RPRD1B: variants seen among roughly 807,000 people sequenced by gnomAD.
The protein encoded by RPRD1B is regulation of nuclear pre-mRNA domain-containing protein 1B.
A neutral mutation model predicts 41.5 loss-of-function variants in RPRD1B; 11 were observed. The ratio of observed to expected loss-of-function variants is 0.27; its 90% CI spans 0.17 to 0.44. RPRD1B has a LOEUF of 0.44. Ranked by LOEUF, RPRD1B falls within the 20% of genes least tolerant of loss-of-function variation. The pLI, the probability that RPRD1B is intolerant of heterozygous loss-of-function variation, is 1.00. For missense variants in RPRD1B, 248 were observed against 389.9 expected (o/e 0.64, Z 3.06); for synonymous variants, 158 against 155.6 (o/e 1.02, Z -0.12).
chr20:38,049,372 T>TC (rs1269808805), intron 3 of RPRD1B, among the ~76,000 whole-genome samples: 11 of 136,490 alleles, frequency 8.1e-5, no homozygotes, highest in East Asian at 2.0e-4. Context: ...TTTTTCTTTT[T>TC]TTTTTTTTTT....
intron 6 of RPRD1B, among the ~76,000 whole-genome samples, chr20:38,085,113 G>C (rs1054956178): frequency 3.3e-5 from 5 of 152,138 alleles, no homozygotes; most frequent in Non-Finnish European, 5.9e-5. Flanking sequence ...CAGACTGCTT[G>C]GGTTTTGCCA....
chr20:38,064,006 C>T (rs749290423), intron 5 of RPRD1B, among the ~76,000 whole-genome samples: 18 of 151,796 alleles, frequency 1.2e-4, no homozygotes, highest in Non-Finnish European at 2.4e-4. Context: ...CATTTTTTGC[C>T]ACAGGCACCT....
intron 1 of RPRD1B, among the ~76,000 whole-genome samples, chr20:38,037,560 G>A (rs1257235490): frequency 6.6e-6 from 1 of 152,238 alleles, no homozygotes. Context: ...GGATTGGGAT[G>A]GAGGGGTGTG....
In RPRD1B at chr20:38,057,591, G is replaced by A; in HGVS notation, c.475G>A (p.Asp159Asn). The change falls in exon 4 of 7, where the codon GAC (aspartate) becomes AAC (asparagine). Residue 159 changes from aspartate to asparagine, a missense_variant. Asp to Asn is a conservative substitution (Grantham distance 23). This residue lies in a region of RPRD1B where 94 missense variants were observed against 82.3 expected (regional missense o/e 1.14). Transcript: ENST00000373433. ...TFQQIQEEED[D>N]DYPGSYSPQD... ...TCAGCAAATTCAGGAGGAGGAGGAT[G>A]ACGACTACCCTGGCAGCTACTCTCC... 1 of 1,614,182 alleles carries A rather than the reference G, an allele frequency of 6.2e-7. No homozygotes were observed. The highest frequency in any genetic ancestry group is 8.5e-7 in the Non-Finnish European group (1 of 1,180,010).
chr20:38,057,481 T>G (rs751476292), intron 3 of RPRD1B, 51 bp from the exon 4 acceptor site: 5 of 1,304,354 alleles, frequency 3.8e-6, no homozygotes, highest in Middle Eastern at 3.6e-4. Context: ...AGCATGTGAC[T>G]TATCACTACA....
Position 38,091,867 on chromosome 20 carries a change from C to G in RPRD1B, c.*1992C>G, listed in dbSNP as rs2122783434. 1.0e-6 allele frequency: 1 copy of G among 985,824 alleles called. No individual in the cohort carries two copies. The highest frequency in any genetic ancestry group is 1.2e-6 in the Non-Finnish European group (1 of 829,874). 61.1% of individuals were successfully genotyped at this position (985,824 alleles called of 1,614,324 possible). ...ACCAGCAATTGGTGCATAATTATTA[C>G]AGCAAAAGTTAAGAAATGAAACTGT... On this transcript the variant is annotated 3_prime_UTR_variant, in exon 7 of 7. Coordinates refer to ENST00000373433, the MANE Select transcript of RPRD1B (RefSeq NM_021215.4).
At position 38,040,521 on chromosome 20, in the gene RPRD1B, G is replaced by C. The variant is rs745957113; in HGVS notation, c.238G>C (p.Glu80Gln). 1.2e-6 allele frequency: 2 copies of C among 1,610,022 alleles called. No individual in the cohort carries two copies. The highest frequency in any genetic ancestry group is 2.2e-5 in the East Asian group (1 of 44,512). ...AAGGAAAGGACCTGAATTCACTAGA[G>C]AATTTGAATCTGTCCTTGTGGATGC... ...SKRKGPEFTR[E>Q]FESVLVDAFS... is the part of the protein sequence containing the mutation. The change falls in exon 2 of 7, where the codon GAA (glutamate) becomes CAA (glutamine). Residue 80 changes from glutamate to glutamine, a missense_variant. Around this residue, in one of 5 missense-constraint regions of RPRD1B, gnomAD observed 47 missense variants for 103.6 expected, o/e 0.45. Transcript: ENST00000373433.
chr20:38,074,585 C>T (rs1258339372), intron 6 of RPRD1B, among the ~76,000 whole-genome samples: 1 of 152,158 alleles, frequency 6.6e-6, no homozygotes, highest in Non-Finnish European at 1.5e-5. Context: ...AGTGTAACCC[C>T]TGCTTGATGG....
At chr20:38,062,828 G>GCCCCC (rs35010909) in intron 5 of RPRD1B, among the ~76,000 whole-genome samples, 2 of 34,720 alleles carry the variant, frequency 5.8e-5, no homozygotes, top group Non-Finnish European at 9.3e-5. Flanking sequence ...AAAAGCCAGA[G>GCCCCC]CCCCCCCCCC....
chr20:38,085,197 T>C (rs1394934060), intron 6 of RPRD1B, among the ~76,000 whole-genome samples: 1 of 152,166 alleles, frequency 6.6e-6, no homozygotes, highest in East Asian at 1.9e-4. Context: ...GAGAGCGTTG[T>C]GCGCTGTGGT....
intron 6 of RPRD1B, among the ~76,000 whole-genome samples, chr20:38,087,334 G>T (rs2074571482): frequency 6.6e-6 from 1 of 152,176 alleles, no homozygotes; most frequent in Non-Finnish European, 1.5e-5. Context: ...AGAGCAAAGT[G>T]CCTTCCATTT....
intron 6 of RPRD1B, among the ~76,000 whole-genome samples, chr20:38,088,428 G>C (rs536268867): frequency 2.6e-5 from 4 of 152,174 alleles, no homozygotes; most frequent in Admixed American, 2.6e-4. Flanking sequence ...CAGGTTAGAG[G>C]CAGAACCAGG....
intron 1 of RPRD1B, among the ~76,000 whole-genome samples, chr20:38,034,691 C>T (rs549315643): frequency 2.5e-4 from 38 of 152,314 alleles, no homozygotes; most frequent in African/African-American, 8.9e-4. Context: ...GTAGTCTCTC[C>T]CATCTTAGGT....
intron 6 of RPRD1B, among the ~76,000 whole-genome samples, chr20:38,077,663 G>A (rs991062575): frequency 3.3e-5 from 5 of 152,084 alleles, no homozygotes; most frequent in Middle Eastern, 3.4e-3. Context: ...CCTTCTCTGC[G>A]TCTTTGTCTC....
intron 1 of RPRD1B, among the ~76,000 whole-genome samples, chr20:38,038,761 G>C (rs2074032932): frequency 6.6e-6 from 1 of 152,100 alleles, no homozygotes; most frequent in Non-Finnish European, 1.5e-5. Flanking sequence ...GCCTCCCGGA[G>C]TGCTGGGATT....
chr20:38,089,976 C>T lies in RPRD1B; in HGVS notation c.*101C>T, dbSNP rs568310618. On this transcript the variant is annotated 3_prime_UTR_variant, in exon 7 of 7. Transcript: ENST00000373433. ...TAGCCCCTGGTTCTATCCCTTCTTC[C>T]GCCCAGCCCCCCAGCCTCAAGAAAG... is the stretch of plus-strand genomic sequence containing the variant. 169 of 1,504,896 alleles carry T rather than the reference C, an allele frequency of 1.1e-4. No homozygotes were observed. Among genetic ancestry groups the T allele is most frequent in the African/African-American group, 5.6e-4 (40 of 71,558 alleles). The allele number at this position is 1,504,896 out of a possible 1,614,324, so 93.2% of individuals were successfully genotyped here.
rs139129014 is a variant in RPRD1B at position 38,082,349 on chromosome 20, G to A, written c.832-7377G>A. Among the ~76,000 whole-genome samples the A allele has an allele frequency of 3.7e-4, 56 of 152,192 alleles. No homozygotes were observed. The East Asian group carries it at 9.7e-3, about 26-fold the overall frequency. On this transcript the variant is annotated intron_variant, in intron 6 of 6. Coordinates refer to ENST00000373433, the MANE Select transcript of RPRD1B (RefSeq NM_021215.4). ...CTAGGTTTTCTAGTTTGTGTGCATA[G>A]AGGTTGAACTTGTATTTTCTTTTTT...
Position 38,048,407 on chromosome 20 carries a change from G to A in RPRD1B, c.341G>A (p.Arg114Gln). 1 of 1,614,014 alleles carries A rather than the reference G, an allele frequency of 6.2e-7. No homozygotes were observed. The highest frequency in any genetic ancestry group is 8.5e-7 in the Non-Finnish European group (1 of 1,179,916). Residue 114 changes from arginine (R) to glutamine (Q), a missense_variant, in exon 3 of 7, where the codon CGA (arginine) becomes CAA (glutamine). By Grantham distance (43) the Arg-to-Gln change is conservative. Transcript: ENST00000373433. ...LERLLNIWQE[R>Q]SVYGGEFIQQ... ...AGATTGCTGAACATCTGGCAAGAAC[G>A]AAGTGTGTATGGCGGCGAGTTCATA...
In RPRD1B at chr20:38,067,975, G is replaced by A. The variant is rs1351433717; in HGVS notation, c.831+1719G>A. ...GGGTAGAACGTGGCAAGCAACCATA[G>A]AGGACAGAGTCTTTGAGGAGATCGG... On this transcript the variant is annotated intron_variant, in intron 6 of 6. Coordinates refer to ENST00000373433, the MANE Select transcript of RPRD1B (RefSeq NM_021215.4). Among the ~76,000 whole-genome samples the A allele has an allele frequency of 2.6e-5, 4 of 152,252 alleles. No individual in the cohort carries two copies. The East Asian group carries it at 5.8e-4, about 22-fold the overall frequency.
Sources: gnomAD v4.1 joint callset for allele counts (sites outside exome capture counted in the v4.1 genomes callset) on GRCh38, gnomAD v4.1.1 for gene constraint, gnomAD v4.1.1 regional missense constraint, MANE v1.5 for transcripts, NCBI Gene and HGNC (gene_info 2026-07-23, HGNC 2026-07-21) for gene names.